Variants in SLCO5A1 observed in about 807,000 individuals in gnomAD.
The protein encoded by SLCO5A1 is organic anion transporter polypeptide-related protein 4.
In SLCO5A1, 39 loss-of-function variants were observed where a neutral mutation model predicts 65.1. That is an observed-to-expected ratio of 0.60 (90% CI 0.46 to 0.78). The LOEUF (loss-of-function observed/expected upper bound fraction) is 0.78, where lower values mean the gene tolerates loss of function less well. SLCO5A1 is among the 30% of genes least tolerant of loss of function. The pLI, the probability that SLCO5A1 is intolerant of heterozygous loss-of-function variation, is 0.00. For synonymous variants in SLCO5A1, 438 were observed against 415.7 expected (o/e 1.05, Z -0.65); for missense variants, 1,029 against 1,069.4 (o/e 0.96, Z 0.53).
At chr8:69,690,207 T>A (rs3088185) in intron 6 of SLCO5A1, among the ~76,000 whole-genome samples, 1 of 152,118 alleles carries the variant, frequency 6.6e-6, no homozygotes, top group Non-Finnish European at 1.5e-5. Context: ...GTAGGGACAG[T>A]GGGAATCTCG....
chr8:69,828,679 T>C (rs73684313), intron 2 of SLCO5A1, among the ~76,000 whole-genome samples: 2,097 of 152,246 alleles, frequency 0.014, 43 homozygotes, highest in African/African-American at 0.046. Context: ...CCCTTGCACA[T>C]GTCACTTTCC....
At chr8:69,784,811 A>AAGAAAAAGAAAGAAAGAAAGAAAGAAAG (rs1554620797) in intron 2 of SLCO5A1, among the ~76,000 whole-genome samples, 1 of 70,930 alleles carries the variant, frequency 1.4e-5, no homozygotes, top group African/African-American at 7.8e-5. Flanking sequence ...GAAAGAAAGA[A>AAGAAAAAGAAAGAAAGAAAGAAAGAAAG]AAAGAAAGAA....
chr8:69,749,816 A>C (rs1387573757), intron 4 of SLCO5A1, among the ~76,000 whole-genome samples: 1 of 152,040 alleles, frequency 6.6e-6, no homozygotes, highest in Non-Finnish European at 1.5e-5. Flanking sequence ...AGTAAAATCC[A>C]TGGTAGGTGA....
chr8:69,713,451 C>G (rs1161842604), intron 5 of SLCO5A1: 8 of 152,222 alleles, frequency 5.3e-5, no homozygotes, highest in Admixed American at 5.2e-4. Context: ...CATTCTCTCT[C>G]TCTCTCCCTC....
chr8:69,803,790 C>A (rs1034735473), intron 2 of SLCO5A1, among the ~76,000 whole-genome samples: 1 of 152,114 alleles, frequency 6.6e-6, no homozygotes, highest in Admixed American at 6.5e-5. Context: ...GAGTTCAAGA[C>A]CACCTGGGCA....
intron 4 of SLCO5A1, among the ~76,000 whole-genome samples, chr8:69,746,003 AC>A: frequency 6.6e-6 from 1 of 152,328 alleles, no homozygotes; most frequent in Non-Finnish European, 1.5e-5. Context: ...AAATGTGTCA[AC>A]CCTGAACGTC....
At chr8:69,694,690 T>G (rs1393048299) in intron 6 of SLCO5A1, among the ~76,000 whole-genome samples, 3 of 152,218 alleles carry the variant, frequency 2.0e-5, no homozygotes. Context: ...CACCCAGTAG[T>G]GTTTTCATTA....
chr8:69,674,950 G>C (rs1369636698), intron 9 of SLCO5A1, among the ~76,000 whole-genome samples: 1 of 151,172 alleles, frequency 6.6e-6, no homozygotes, highest in Non-Finnish European at 1.5e-5. Flanking sequence ...TGAGGCAGGA[G>C]AAACACTTGA....
At chr8:69,674,542 C>G (rs1438269237) in intron 9 of SLCO5A1, among the ~76,000 whole-genome samples, 4 of 152,102 alleles carry the variant, frequency 2.6e-5, no homozygotes, top group Non-Finnish European at 4.4e-5. Context: ...GTTGGCCCAA[C>G]TAGACTTTTT....
intron 4 of SLCO5A1, among the ~76,000 whole-genome samples, chr8:69,752,713 G>C (rs1586758873): frequency 6.6e-6 from 1 of 152,200 alleles, no homozygotes; most frequent in East Asian, 1.9e-4. Flanking sequence ...TGAAGTTCCA[G>C]TCTTGATATG....
intron 2 of SLCO5A1, among the ~76,000 whole-genome samples, chr8:69,824,799 C>G (rs1312502226): frequency 1.3e-5 from 2 of 152,254 alleles, no homozygotes; most frequent in Admixed American, 1.3e-4. Context: ...CATCCTGATA[C>G]CAAAGCCTGG....
intron 2 of SLCO5A1, among the ~76,000 whole-genome samples, chr8:69,791,582 C>T (rs1046719745): frequency 6.6e-6 from 1 of 152,082 alleles, no homozygotes; most frequent in East Asian, 1.9e-4. Context: ...AGTGCTGCTC[C>T]GCAGTTTTCA....
At chr8:69,756,179 G>A (rs533721975) in intron 3 of SLCO5A1, among the ~76,000 whole-genome samples, 84 of 152,214 alleles carry the variant, frequency 5.5e-4, no homozygotes, top group Non-Finnish European at 4.0e-4. Context: ...ATCCCAGCAC[G>A]TTGGGAGGCT....
At chr8:69,768,833 T>C (rs542492882) in intron 2 of SLCO5A1, among the ~76,000 whole-genome samples, 1 of 152,152 alleles carries the variant, frequency 6.6e-6, no homozygotes, top group Non-Finnish European at 1.5e-5. Context: ...CCCTAGCAGA[T>C]ACCAACCCAA....
Position 69,788,212 on chromosome 8 carries a change from G to C in SLCO5A1, c.908-26337C>G, listed in dbSNP as rs142572710. Among the ~76,000 whole-genome samples, 421 of 152,214 alleles carry C rather than the reference G, an allele frequency of 2.8e-3. 2 individuals carry two copies. The highest frequency in any genetic ancestry group is 9.5e-3 in the African/African-American group (395 of 41,532). Reference sequence around the variant, plus strand: ...AACAATTACCCCATTAAGGAGCTTTGCTTCCTTTTGTGAAGTATGCTCATC... The same window carrying C: ...AACAATTACCCCATTAAGGAGCTTTCCTTCCTTTTGTGAAGTATGCTCATC... On this transcript the variant is annotated intron_variant, in intron 2 of 9. Coordinates refer to ENST00000260126, the MANE Select transcript of SLCO5A1 (RefSeq NM_030958.3).
intron 2 of SLCO5A1, among the ~76,000 whole-genome samples, chr8:69,786,453 T>C (rs1269631035): frequency 1.3e-5 from 2 of 152,222 alleles, no homozygotes; most frequent in Non-Finnish European, 2.9e-5. Context: ...AATAATTATA[T>C]GCTGTCCCTA....
intron 2 of SLCO5A1, among the ~76,000 whole-genome samples, chr8:69,764,921 A>G (rs1222436831): frequency 1.3e-5 from 2 of 152,218 alleles, no homozygotes; most frequent in Non-Finnish European, 2.9e-5. Context: ...TGGAGTGGCA[A>G]GCGGGATTGT....
intron 2 of SLCO5A1, chr8:69,794,400 AC>A (rs1819398857): frequency 2.3e-6 from 1 of 443,930 alleles, no homozygotes; most frequent in South Asian, 1.9e-5. Context: ...GAATTTAGAC[AC>A]CATCAGGGTC....
At chr8:69,705,328 C>A (rs1814922393) in intron 5 of SLCO5A1, 99 bp from the exon 6 acceptor site, 7 of 1,033,030 alleles carry the variant, frequency 6.8e-6, no homozygotes, top group Non-Finnish European at 8.6e-6. Flanking sequence ...GGTAAAAAAT[C>A]AAAAGTTACT....
Sources: gnomAD v4.1 joint callset for allele counts (sites outside exome capture counted in the v4.1 genomes callset) on GRCh38, gnomAD v4.1.1 for gene constraint, MANE v1.5 for transcripts, NCBI Gene and HGNC (gene_info 2026-07-23, HGNC 2026-07-21) for gene names.